Variants in TG observed in about 807,000 individuals in gnomAD.
The protein encoded by TG is thyroglobulin.
In TG, 270 loss-of-function variants were observed where a neutral mutation model predicts 324.7. The observed-to-expected ratio is 0.83, with a 90% CI of 0.75 to 0.92. The LOEUF (loss-of-function observed/expected upper bound fraction) is 0.92. TG is among the 40% of genes least tolerant of loss of function. The pLI is 0.00. For missense variants in TG, 3,591 were observed against 3,456.4 expected (o/e 1.04, Z -0.98); for synonymous variants, 1,401 against 1,327.0 (o/e 1.06, Z -1.21).
chr8:133,106,664 T>C (rs144918989), intron 43 of TG, among the ~76,000 whole-genome samples: 304 of 152,218 alleles, frequency 2.0e-3, no homozygotes, highest in African/African-American at 7.1e-3. Context: ...CCCAGCTCCC[T>C]AGGGCACAAC....
intron 47 of TG, among the ~76,000 whole-genome samples, chr8:133,133,944 C>G (rs543250964): frequency 6.6e-6 from 1 of 152,192 alleles, no homozygotes; most frequent in South Asian, 2.1e-4. Flanking sequence ...GAACCAACAT[C>G]AGGGCTTCCA....
chr8:132,877,191 T>C (rs1176942459), intron 5 of TG, among the ~76,000 whole-genome samples: 1 of 152,058 alleles, frequency 6.6e-6, no homozygotes, highest in African/African-American at 2.4e-5. Flanking sequence ...CCAGGCTGGA[T>C]TGTAGTGATG....
intron 38 of TG, among the ~76,000 whole-genome samples, chr8:133,018,533 T>G (rs1173352422): frequency 1.3e-5 from 2 of 152,118 alleles, no homozygotes; most frequent in Non-Finnish European, 2.9e-5. Flanking sequence ...TTACAAGTTT[T>G]TTTTTTTTTT....
At chr8:133,106,700 C>T (rs79458438) in intron 43 of TG, among the ~76,000 whole-genome samples, 528 of 152,330 alleles carry the variant, frequency 3.5e-3, no homozygotes, top group African/African-American at 7.5e-3. Context: ...CCAGCACCCC[C>T]GTCCCCTTTC....
At chr8:132,888,931 G>GTA (rs891548055) in intron 10 of TG, among the ~76,000 whole-genome samples, 75 of 152,294 alleles carry the variant, frequency 4.9e-4, no homozygotes, top group African/African-American at 1.6e-3. Flanking sequence ...TTAATGTTTA[G>GTA]TAATCGCTCC....
chr8:133,022,666 C>A (rs1207674703), intron 40 of TG, among the ~76,000 whole-genome samples: 1 of 152,156 alleles, frequency 6.6e-6, no homozygotes, highest in Non-Finnish European at 1.5e-5. Context: ...TCATCACAAA[C>A]CTGTTGATCA....
intron 45 of TG, among the ~76,000 whole-genome samples, chr8:133,125,854 G>A (rs1851477421): frequency 6.6e-6 from 1 of 152,206 alleles, no homozygotes; most frequent in Non-Finnish European, 1.5e-5. Flanking sequence ...GTAAGCTGTG[G>A]CTAGCAGAGA....
At chr8:132,988,901 G>A (rs946255499) in intron 35 of TG, 2 of 985,306 alleles carry the variant, frequency 2.0e-6, no homozygotes, top group Non-Finnish European at 2.4e-6. Context: ...TTAGAGGTGT[G>A]TATTAGTTCA....
At chr8:133,013,904 C>G in intron 37 of TG, 140 bp downstream of exon 37, 1 of 1,001,354 alleles carries the variant, frequency 1.0e-6, no homozygotes, top group Non-Finnish European at 1.5e-6. Context: ...TTGAGGTAGA[C>G]TGAAGGAAGG....
intron 41 of TG, among the ~76,000 whole-genome samples, chr8:133,088,151 T>C (rs1846906297): frequency 6.6e-6 from 1 of 152,220 alleles, no homozygotes; most frequent in Non-Finnish European, 1.5e-5. Context: ...CAACTTGGGA[T>C]AGACTCTCCC....
chr8:132,975,512 C>T (rs987504315), intron 34 of TG, among the ~76,000 whole-genome samples: 2 of 152,134 alleles, frequency 1.3e-5, no homozygotes, highest in Non-Finnish European at 2.9e-5. Context: ...GGACTCGACT[C>T]AGGAGTTTTG....
At chr8:133,044,955 A>T (rs140350863) in intron 41 of TG, 4 of 1,612,962 alleles carry the variant, frequency 2.5e-6, no homozygotes, top group Non-Finnish European at 3.4e-6. Context: ...TCCCACCATC[A>T]CAATCACTCC....
chr8:132,900,438 C>T, intron 15 of TG, 99 bp downstream of exon 15: 1 of 1,135,496 alleles, frequency 8.8e-7, no homozygotes, highest in Non-Finnish European at 1.3e-6. Flanking sequence ...TCTACTGCTT[C>T]CATAGCTGTG....
rs747048269 is a variant in TG, at chr8:133,067,792, A to AAAAG, written c.7240-27235_7240-27232dup. ...GACTCCATCTAGAAAGAAAGAAAGAAAAAGAAAGAAAGAAAGAAAGGAAGG... is the reference window on the plus strand; with the variant it reads ...GACTCCATCTAGAAAGAAAGAAAGAAAAAGAAAGAAAGAAAGAAAGAAAGGAAGG... On this transcript the variant is annotated intron_variant, in intron 41 of 47. Coordinates refer to ENST00000220616, the MANE Select transcript of TG (RefSeq NM_003235.5). 3.9e-3 allele frequency among the ~76,000 whole-genome samples: 576 copies of AAAAG among 147,360 alleles called. 4 individuals carry two copies. Among genetic ancestry groups the AAAAG allele is most frequent in the African/African-American group, 0.013 (524 of 38,956 alleles).
In TG at chr8:133,060,304, T is replaced by G. The variant is rs140708427; in HGVS notation, c.7239+30281T>G. On this transcript the variant is annotated intron_variant, in intron 41 of 47. Coordinates refer to ENST00000220616, the MANE Select transcript of TG (RefSeq NM_003235.5). ...ATCGTGCATCATTTTTCTGGCAGCTTGCTTCTTGAAAGGCGGCTGTTTATA... is the reference window on the plus strand; with the variant it reads ...ATCGTGCATCATTTTTCTGGCAGCTGGCTTCTTGAAAGGCGGCTGTTTATA... 1,243 of 1,569,108 alleles carry G rather than the reference T, an allele frequency of 7.9e-4. 9 individuals are homozygous for G. In the African/African-American group the frequency reaches 0.015, roughly 19 times the overall value.
intron 5 of TG, among the ~76,000 whole-genome samples, chr8:132,876,765 T>A (rs1813860353): frequency 6.6e-6 from 1 of 152,244 alleles, no homozygotes; most frequent in South Asian, 2.1e-4. Context: ...GGACACACAT[T>A]CTGACCAAGC....
intron 19 of TG, 52 bp downstream of exon 19, chr8:132,911,585 C>A: frequency 6.8e-7 from 1 of 1,477,666 alleles, no homozygotes; most frequent in South Asian, 1.1e-5. Context: ...CTCTCTGAGT[C>A]TCAGTTTTCT....
intron 35 of TG, chr8:132,994,764 G>T (rs1273032522): frequency 7.8e-7 from 1 of 1,288,472 alleles, no homozygotes; most frequent in Non-Finnish European, 1.0e-6. Flanking sequence ...AGGATGGAGT[G>T]AGGGCTTCCG....
chr8:133,051,394 A>T (rs1840376584), intron 41 of TG, among the ~76,000 whole-genome samples: 1 of 152,190 alleles, frequency 6.6e-6, no homozygotes, highest in Admixed American at 6.5e-5. Context: ...TGGGACTCAG[A>T]GTTGTTATAT....
Sources: gnomAD v4.1 joint callset for allele counts (sites outside exome capture counted in the v4.1 genomes callset) on GRCh38, gnomAD v4.1.1 for gene constraint, MANE v1.5 for transcripts, NCBI Gene and HGNC (gene_info 2026-07-23, HGNC 2026-07-21) for gene names.